RAVER2: variants seen among roughly 807,000 people sequenced by gnomAD.
RAVER2 encodes ribonucleoprotein PTB-binding 2.
In RAVER2, 46 loss-of-function variants were observed where a neutral mutation model predicts 78.1. The observed-to-expected ratio is 0.59, with a 90% confidence interval of 0.46 to 0.75. RAVER2 has a LOEUF of 0.75. RAVER2 is among the 30% of genes least tolerant of loss of function. The probability of loss-of-function intolerance (pLI) is 0.00; values close to 1 mark genes in which losing one functional copy is unlikely to be tolerated. For missense variants in RAVER2, 793 were observed against 837.5 expected (o/e 0.95, Z 0.66); for synonymous variants, 311 against 313.3 (o/e 0.99, Z 0.08).
At chr1:64,759,663 C>T (rs546763715) in intron 1 of RAVER2, among the ~76,000 whole-genome samples, 2 of 151,912 alleles carry the variant, frequency 1.3e-5, no homozygotes, top group African/African-American at 2.4e-5. Context: ...ACTACAGGCG[C>T]CCGCCACCAC....
At chr1:64,746,578 G>C (rs1244746302) in intron 1 of RAVER2, among the ~76,000 whole-genome samples, 6 of 152,186 alleles carry the variant, frequency 3.9e-5, no homozygotes, top group Non-Finnish European at 8.8e-5. Flanking sequence ...TATGTAATGA[G>C]ACCTTACATA....
rs770208554 is a variant in RAVER2 at position 64,754,602 on chromosome 1, TAA to T, written c.249+9182_249+9183del. On this transcript the variant is annotated intron_variant, in intron 1 of 11. Transcript: ENST00000294428. ...TTCAATCAGTCAACTGTTTATGGCT[TAA>T]GAGTCTGTTGAAAGCTGTAAACCCT... Among the ~76,000 whole-genome samples the T allele has an allele frequency of 4.0e-4, 61 of 152,360 alleles. 1 individual carries two copies. Among genetic ancestry groups the T allele is most frequent in the Non-Finnish European group, 4.1e-4 (28 of 68,036 alleles).
intron 1 of RAVER2, among the ~76,000 whole-genome samples, chr1:64,750,999 C>A (rs1050533773): frequency 6.6e-6 from 1 of 152,146 alleles, no homozygotes; most frequent in Non-Finnish European, 1.5e-5. Flanking sequence ...GGAAGAAATT[C>A]TTGAAAAGTG....
At chr1:64,830,033 G>A (rs946941719) in intron 11 of RAVER2, among the ~76,000 whole-genome samples, 1 of 152,160 alleles carries the variant, frequency 6.6e-6, no homozygotes. Flanking sequence ...TAATTGCAAC[G>A]TGAGAAGGCT....
At chr1:64,746,809 C>G (rs1482439113) in intron 1 of RAVER2, among the ~76,000 whole-genome samples, 1 of 152,002 alleles carries the variant, frequency 6.6e-6, no homozygotes, top group Admixed American at 6.6e-5. Flanking sequence ...CCTCCCCTGC[C>G]CATACAAATA....
intron 4 of RAVER2, among the ~76,000 whole-genome samples, chr1:64,782,555 G>A (rs1203920826): frequency 6.6e-6 from 1 of 152,156 alleles, no homozygotes; most frequent in Non-Finnish European, 1.5e-5. Context: ...TGAGATACTT[G>A]TACTAAAATA....
chr1:64,797,997 T>C (rs1653145066), intron 5 of RAVER2, among the ~76,000 whole-genome samples: 1 of 150,960 alleles, frequency 6.6e-6, no homozygotes, highest in South Asian at 2.1e-4. Context: ...TATGTATACA[T>C]GTGCCACGCT....
rs558235932 is a variant in RAVER2, at chr1:64,768,545, T to C, written c.250-111T>C. 1.1e-4 allele frequency: 77 copies of C among 700,338 alleles called. No individual in the cohort carries two copies. The East Asian group carries it at 2.0e-3, about 18-fold the overall frequency. The allele number at this position is 700,338 out of a possible 1,614,324, so 43.4% of individuals were successfully genotyped here. ...GATCCATGAAATAATTTTTTTTTTTTACATGGGACATGGTGGTGGTAATGG... is the reference window on the plus strand; with the variant it reads ...GATCCATGAAATAATTTTTTTTTTTCACATGGGACATGGTGGTGGTAATGG... On this transcript the variant is annotated intron_variant, in intron 1 of 11. Coordinates refer to ENST00000294428, the Ensembl canonical transcript of RAVER2.
chr1:64,751,679 G>A (rs1360178679), intron 1 of RAVER2, among the ~76,000 whole-genome samples: 1 of 152,138 alleles, frequency 6.6e-6, no homozygotes, highest in Non-Finnish European at 1.5e-5. Context: ...GCACTGCACT[G>A]TGGCCTCAAG....
chr1:64,792,512 CTTCTT>C (rs1271932475), intron 5 of RAVER2, among the ~76,000 whole-genome samples: 4 of 152,152 alleles, frequency 2.6e-5, no homozygotes, highest in African/African-American at 7.2e-5. Context: ...ATTTTTGTCT[CTTCTT>C]TTCATCTAAG....
rs779849117 is a variant in RAVER2, at chr1:64,781,472, C to A, written c.879C>A (p.Asp293Glu). Residue 293 changes from aspartate to glutamate, a missense_variant, in exon 4 of 12, where the codon GAC becomes GAA. By Grantham distance (45) the Asp-to-Glu change is conservative. Coordinates refer to ENST00000294428, the Ensembl canonical transcript of RAVER2. ...CTGAAGAGGTCCAGCAGGCAGCAGA[C>A]GGTATGACCATCAAGGGCAGCAAAG... 1.9e-6 allele frequency: 3 copies of A among 1,614,052 alleles called. No individual in the cohort carries two copies. In the African/African-American group the frequency reaches 4.0e-5, roughly 22 times the overall value.
intron 4 of RAVER2, among the ~76,000 whole-genome samples, chr1:64,782,999 T>C (rs1041149896): frequency 6.6e-6 from 1 of 152,158 alleles, no homozygotes; most frequent in Non-Finnish European, 1.5e-5. Context: ...TCTGTCCTTG[T>C]AATAGTTTTC....
chr1:64,789,189 G>A (rs1452973978), intron 4 of RAVER2, among the ~76,000 whole-genome samples, 199 bp from the exon 5 acceptor site: 2 of 152,148 alleles, frequency 1.3e-5, no homozygotes, highest in African/African-American at 4.8e-5. Context: ...TACCTGAGAC[G>A]TTCTATGAGG....
chr1:64,810,435 G>T (rs1393267672), intron 9 of RAVER2, among the ~76,000 whole-genome samples: 2 of 152,090 alleles, frequency 1.3e-5, no homozygotes, highest in Non-Finnish European at 1.5e-5. Context: ...ATGGTAAAAG[G>T]CTGGAGCAAG....
intron 9 of RAVER2, 72 bp from the exon 10 acceptor site, chr1:64,812,666 A>G (rs1029044246): frequency 3.1e-6 from 3 of 957,376 alleles, no homozygotes; most frequent in Non-Finnish European, 4.7e-6. Flanking sequence ...AAAAATAAGT[A>G]TTTCTCTATT....
intron 5 of RAVER2, among the ~76,000 whole-genome samples, chr1:64,792,236 A>G (rs1652963824): frequency 6.6e-6 from 1 of 152,160 alleles, no homozygotes; most frequent in South Asian, 2.1e-4. Flanking sequence ...TAAATCCCCC[A>G]CAAGTTGTTC....
At position 64,818,489 on chromosome 1, in the gene RAVER2, T is replaced by C. The variant is rs541878789; in HGVS notation, c.1929+3649T>C. ...AGGCGGAGGTTGCAGTGAGCCGAGA[T>C]TGCGCCACTGCACTCCAGCCTGGGC... On this transcript the variant is annotated intron_variant, in intron 11 of 11. Transcript: ENST00000294428. Among the ~76,000 whole-genome samples the C allele has an allele frequency of 2.9e-3, 441 of 152,246 alleles. 1 individual carries two copies. Among genetic ancestry groups the C allele is most frequent in the Non-Finnish European group, 5.3e-3 (359 of 68,008 alleles).
chr1:64,820,891 G>T (rs1340276282), intron 11 of RAVER2, among the ~76,000 whole-genome samples: 1 of 152,170 alleles, frequency 6.6e-6, no homozygotes, highest in East Asian at 1.9e-4. Context: ...ATTTATGATA[G>T]AATAATTTAT....
chr1:64,791,205 A>C (rs752510234), intron 5 of RAVER2, among the ~76,000 whole-genome samples: 1 of 152,174 alleles, frequency 6.6e-6, no homozygotes, highest in Non-Finnish European at 1.5e-5. Flanking sequence ...CCCTCCCAAC[A>C]CATCAATATG....
Sources: allele counts gnomAD v4.1 joint callset (sites outside exome capture counted in the v4.1 genomes callset), GRCh38; gene constraint gnomAD v4.1.1; transcripts MANE v1.5; gene names NCBI Gene and HGNC (gene_info 2026-07-23, HGNC 2026-07-21).